Variants in ELP3 observed in about 807,000 individuals in gnomAD.
ELP3 encodes elongator complex protein 3.
A neutral mutation model predicts 74.9 loss-of-function variants in ELP3; 56 were observed. The ratio of observed to expected loss-of-function variants is 0.75; its 90% CI spans 0.60 to 0.93. The LOEUF (loss-of-function observed/expected upper bound fraction) is 0.93, where lower values mean the gene tolerates loss of function less well. ELP3 is among the 40% of genes least tolerant of loss of function. The pLI is 0.00. For synonymous variants in ELP3, 222 were observed against 239.8 expected (o/e 0.93, Z 0.68); for missense variants, 573 against 686.5 (o/e 0.83, Z 1.85).
intron 7 of ELP3, among the ~76,000 whole-genome samples, chr8:28,119,592 A>G (rs1812279964): frequency 1.1e-5 from 1 of 88,712 alleles, no homozygotes; most frequent in East Asian, 7.0e-4. Flanking sequence ...ATATATATAT[A>G]TATATATATA....
At chr8:28,123,582 T>G (rs1812455295) in intron 7 of ELP3, among the ~76,000 whole-genome samples, 1 of 152,224 alleles carries the variant, frequency 6.6e-6, no homozygotes, top group Non-Finnish European at 1.5e-5. Context: ...TATTCTTTTG[T>G]AGTTCTATCA....
intron 8 of ELP3, among the ~76,000 whole-genome samples, chr8:28,131,181 CAAG>C (rs373386224): frequency 2.2e-4 from 33 of 152,238 alleles, no homozygotes; most frequent in African/African-American, 7.9e-4. Context: ...AATGGGAAGT[CAAG>C]GAGGCTTGGA....
At chr8:28,187,005 G>A (rs1311802551) in intron 14 of ELP3, among the ~76,000 whole-genome samples, 3 of 152,102 alleles carry the variant, frequency 2.0e-5, no homozygotes, top group Non-Finnish European at 2.9e-5. Flanking sequence ...CATTCCACAT[G>A]CAGCCTGACT....
intron 14 of ELP3, among the ~76,000 whole-genome samples, chr8:28,189,086 C>T (rs1815353700): frequency 6.6e-6 from 1 of 152,248 alleles, no homozygotes; most frequent in African/African-American, 2.4e-5. Flanking sequence ...GCTTCTTTGA[C>T]ACCAACTGAT....
chr8:28,163,163 T>C (rs1268467364), intron 14 of ELP3, among the ~76,000 whole-genome samples: 1 of 152,174 alleles, frequency 6.6e-6, no homozygotes, highest in Admixed American at 6.5e-5. Flanking sequence ...AAAAATGACG[T>C]AGACCCCTTT....
intron 6 of ELP3, chr8:28,111,039 AC>A (rs1811897826): frequency 6.6e-6 from 1 of 152,364 alleles, no homozygotes; most frequent in East Asian, 1.9e-4. Flanking sequence ...TGATCATACC[AC>A]TGCACTTCAG....
At chr8:28,182,815 A>G (rs1265822047) in intron 14 of ELP3, among the ~76,000 whole-genome samples, 1 of 152,228 alleles carries the variant, frequency 6.6e-6, no homozygotes, top group African/African-American at 2.4e-5. Context: ...GGAGAGGGAC[A>G]TGGAATCAAA....
At chr8:28,106,674 T>TATCCTATAATAGCTTTTTTATTC in intron 3 of ELP3, 39 bp from the exon 4 acceptor site, 1 of 1,564,442 alleles carries the variant, frequency 6.4e-7, no homozygotes. Flanking sequence ...TTATATTAAT[T>TATCCTATAATAGCTTTTTTATTC]ATCCTATAAT....
At chr8:28,136,739 C>T (rs1813005912) in intron 9 of ELP3, among the ~76,000 whole-genome samples, 1 of 152,176 alleles carries the variant, frequency 6.6e-6, no homozygotes, top group South Asian at 2.1e-4. Flanking sequence ...TTCCAGTTTA[C>T]AAGATAGAGC....
upstream of ELP3, among the ~76,000 whole-genome samples, chr8:28,091,263 C>T (rs1811045018): frequency 6.6e-6 from 1 of 152,116 alleles, no homozygotes; most frequent in Admixed American, 6.6e-5. Context: ...GCCTTAAGGT[C>T]TCTGTGTTGA....
chr8:28,171,067 C>T (rs1482883563), intron 14 of ELP3, among the ~76,000 whole-genome samples: 2 of 152,196 alleles, frequency 1.3e-5, no homozygotes, highest in Non-Finnish European at 2.9e-5. Context: ...GTATATACCA[C>T]ATTTTGCTTA....
chr8:28,136,421 T>C (rs1198296563), intron 9 of ELP3, among the ~76,000 whole-genome samples: 3 of 152,226 alleles, frequency 2.0e-5, no homozygotes, highest in African/African-American at 7.2e-5. Flanking sequence ...CAGAAATACT[T>C]TTCTAAATCC....
intron 14 of ELP3, among the ~76,000 whole-genome samples, chr8:28,189,049 A>G (rs1815351770): frequency 6.6e-6 from 1 of 152,226 alleles, no homozygotes; most frequent in African/African-American, 2.4e-5. Context: ...ACCACACTTC[A>G]TGAGCCAGGG....
Position 28,105,833 on chromosome 8 carries a change from A to G in ELP3, c.259-880A>G, listed in dbSNP as rs762781160. Among the ~76,000 whole-genome samples, 144 of 152,114 alleles carry G rather than the reference A, an allele frequency of 9.5e-4. 1 individual carries two copies. The highest frequency in any genetic ancestry group is 1.5e-3 in the Admixed American group (23 of 15,270). ...GGCCAGATTTGACCAAGTGCCCTGG[A>G]TGTAACCAATCTTGCGTCTCTGCCA... On this transcript the variant is annotated intron_variant, in intron 3 of 14. Coordinates refer to ENST00000256398, the MANE Select transcript of ELP3 (RefSeq NM_018091.6).
intron 3 of ELP3, 73 bp from the exon 4 acceptor site, chr8:28,106,640 G>A (rs1028858215): frequency 3.9e-6 from 5 of 1,282,984 alleles, no homozygotes; most frequent in East Asian, 2.4e-5. Flanking sequence ...CCTTCCTTCC[G>A]AGGGATAAGC....
intron 14 of ELP3, among the ~76,000 whole-genome samples, chr8:28,189,334 C>CA (rs1364343847): frequency 6.6e-6 from 1 of 152,220 alleles, no homozygotes; most frequent in Non-Finnish European, 1.5e-5. Context: ...CTGGTGTTGC[C>CA]AGTAGGGTAG....
intron 14 of ELP3, among the ~76,000 whole-genome samples, chr8:28,172,782 A>G (rs1048977311): frequency 1.3e-5 from 2 of 152,084 alleles, no homozygotes; most frequent in South Asian, 2.1e-4. Context: ...AGTTTTTCAC[A>G]TATGGCCTTT....
intron 9 of ELP3, among the ~76,000 whole-genome samples, chr8:28,133,384 G>A (rs1812855310): frequency 6.9e-6 from 1 of 145,004 alleles, no homozygotes; most frequent in South Asian, 2.2e-4. Flanking sequence ...TTAACCTATT[G>A]TTGACCTTTT....
chr8:28,129,729 AC>A, intron 8 of ELP3, 66 bp downstream of exon 8: 1 of 1,585,728 alleles, frequency 6.3e-7, no homozygotes, highest in Non-Finnish European at 8.6e-7. Flanking sequence ...CTACATTCAT[AC>A]CCAGCCTTTC....
Sources: allele counts gnomAD v4.1 joint callset (sites outside exome capture counted in the v4.1 genomes callset), GRCh38; gene constraint gnomAD v4.1.1; transcripts MANE v1.5; gene names NCBI Gene and HGNC (gene_info 2026-07-23, HGNC 2026-07-21).